BTBD1: variants seen among roughly 807,000 people sequenced by gnomAD.
BTBD1 encodes BTB domain containing 1, also known as BTB/POZ domain-containing protein 1.
In BTBD1, 34 loss-of-function variants were observed where a neutral mutation model predicts 48.0. The observed-to-expected ratio is 0.71, with a 90% CI of 0.54 to 0.94. The LOEUF (loss-of-function observed/expected upper bound fraction) is 0.94. Among genes scored for constraint, BTBD1 ranks in the 40% least tolerant of loss-of-function variants. The pLI is 0.00. For synonymous variants in BTBD1, 261 were observed against 242.1 expected, an observed-to-expected ratio of 1.08 and a Z score of -0.72; for missense variants, 543 against 625.6, an observed-to-expected ratio of 0.87 and a Z score of 1.41.
rs113504890 is a variant in BTBD1, at chr15:83,067,087, G to A, written c.65C>T (p.Pro22Leu). The A allele has an allele frequency of 3.2e-3, 4,877 of 1,528,506 alleles. 74 individuals carry two copies. In the African/African-American group the frequency reaches 0.042, roughly 13 times the overall value. 94.7% of individuals were successfully genotyped at this position (1,528,506 alleles called of 1,614,324 possible). Residue 22 changes from proline to leucine, a missense_variant, in exon 1 of 8, where the codon CCC (proline) becomes CTC (leucine). Transcript: ENST00000261721. ...TGAGGGCGGCGGCGGCGGCCCCGCG[G>A]GGCCCGGCTCCGCCTCAGCCCCCGA... ...QASGAEAEPG[P>L]AGPPPPPSPS...
At chr15:83,037,915 C>T (rs927771468) in intron 4 of BTBD1, among the ~76,000 whole-genome samples, 1 of 152,076 alleles carries the variant, frequency 6.6e-6, no homozygotes, top group South Asian at 2.1e-4. Flanking sequence ...GAAACCCCAT[C>T]TCTACTAAAA....
rs570548209 is a variant in BTBD1, at chr15:83,018,329, C to G, written c.1291-104G>C. On this transcript the variant is annotated intron_variant, in intron 7 of 7. Transcript: ENST00000261721. ...TGTTCCATTATATTTCACTATCATT[C>G]CTATATAAAATTTTATGCTGTCATT... 2,020 of 986,350 alleles carry G rather than the reference C, an allele frequency of 2.0e-3. 8 individuals are homozygous for G. The highest frequency in any genetic ancestry group is 2.6e-3 in the Non-Finnish European group (1,883 of 714,378). 61.1% of individuals were successfully genotyped at this position (986,350 alleles called of 1,614,324 possible). A position where few individuals can be genotyped will look rare whatever the true frequency, so the allele number is the denominator to read the frequency against.
At chr15:83,060,559 C>T (rs1422163886) in intron 1 of BTBD1, among the ~76,000 whole-genome samples, 1 of 151,696 alleles carries the variant, frequency 6.6e-6, no homozygotes, top group Admixed American at 6.6e-5. Context: ...TTTGGGAGGC[C>T]GAGGCAGGCG....
chr15:83,060,302 G>T (rs1403748586), intron 1 of BTBD1, among the ~76,000 whole-genome samples: 1 of 151,504 alleles, frequency 6.6e-6, no homozygotes, highest in Non-Finnish European at 1.5e-5. Context: ...CTAAGCCAAG[G>T]TTTTTAAAAT....
chr15:83,022,280 G>A (rs1219924765), intron 5 of BTBD1: 1 of 150,196 alleles, frequency 6.7e-6, no homozygotes, highest in Non-Finnish European at 1.5e-5. Context: ...TCTAGAACTG[G>A]TCTCAGATGA....
At position 83,018,788 on chromosome 15, in the gene BTBD1, T is replaced by C; in HGVS notation, c.1209A>G (p.Thr403=). The C allele has an allele frequency of 6.2e-7, 1 of 1,614,134 alleles. No homozygotes were observed. The highest frequency in any genetic ancestry group is 2.2e-5 in the East Asian group (1 of 44,892). Reference sequence around the variant, plus strand: ...TGAACATGACCCTGAATGTGTTAGCTGTCCCATCACAACTAAAGCCGGTAT... The same window carrying C: ...TGAACATGACCCTGAATGTGTTAGCCGTCCCATCACAACTAAAGCCGGTAT... ...QNDTGFSCDG[T]ANTFRVMFKE... Residue 403 remains threonine (T), a synonymous_variant, in exon 7 of 8, where the codon ACA becomes ACG. Coordinates refer to ENST00000261721, the MANE Select transcript of BTBD1 (RefSeq NM_025238.4).
At chr15:83,044,743 G>A (rs2032844128) in intron 3 of BTBD1, 29 of 1,459,038 alleles carry the variant, frequency 2.0e-5, no homozygotes, top group Non-Finnish European at 2.6e-5. Flanking sequence ...AATGTCGCCT[G>A]TACTCGGATC....
At chr15:83,023,198 C>G (rs1318016475) in intron 5 of BTBD1, among the ~76,000 whole-genome samples, 3 of 151,586 alleles carry the variant, frequency 2.0e-5, no homozygotes, top group Non-Finnish European at 2.9e-5. Context: ...AAAAAACTAC[C>G]AATTCACTAT....
intron 1 of BTBD1, among the ~76,000 whole-genome samples, chr15:83,057,836 T>C (rs966412243): frequency 6.6e-6 from 1 of 152,234 alleles, no homozygotes; most frequent in African/African-American, 2.4e-5. Context: ...AGCTGGTCTG[T>C]TTTCAAGATA....
chr15:83,059,547 A>AAACAACAAC (rs376428755), intron 1 of BTBD1, among the ~76,000 whole-genome samples: 4 of 152,062 alleles, frequency 2.6e-5, no homozygotes, highest in Non-Finnish European at 5.9e-5. Context: ...TCCGTCTCAA[A>AAACAACAAC]AACAACAACA....
At chr15:83,022,947 G>A (rs912448500) in intron 5 of BTBD1, among the ~76,000 whole-genome samples, 5 of 151,952 alleles carry the variant, frequency 3.3e-5, no homozygotes, top group African/African-American at 1.2e-4. Flanking sequence ...GCAACAGAGC[G>A]AGACTCCACC....
intron 4 of BTBD1, among the ~76,000 whole-genome samples, chr15:83,031,031 G>A (rs1271819722): frequency 6.6e-6 from 1 of 152,142 alleles, no homozygotes; most frequent in Non-Finnish European, 1.5e-5. Flanking sequence ...ATAATCCTTT[G>A]GGTATATACT....
intron 3 of BTBD1, among the ~76,000 whole-genome samples, chr15:83,042,840 C>T (rs1293083571): frequency 2.0e-5 from 3 of 152,120 alleles, no homozygotes; most frequent in African/African-American, 7.2e-5. Context: ...ATCAGAAATG[C>T]AGTTTAAAAT....
chr15:83,042,348 T>TTTTATATATTTATATATATATA (rs773923340), intron 3 of BTBD1, among the ~76,000 whole-genome samples: 7 of 109,894 alleles, frequency 6.4e-5, no homozygotes, highest in Non-Finnish European at 1.3e-4. Flanking sequence ...TTAGGCAATT[T>TTTTATATATTTATATATATATA]TATATATATA....
rs554290813 is a variant in BTBD1 at position 83,018,637 on chromosome 15, T to C, written c.1290+70A>G. The C allele has an allele frequency of 5.2e-6, 8 of 1,541,888 alleles. No homozygotes were observed. In the East Asian group the frequency reaches 1.4e-4, roughly 26 times the overall value. ...TAAATGGCTCAGCTGTCAGTGACTCTCAGCTTCTAAAACACACATTCTGCA... is the reference window on the plus strand; with the variant it reads ...TAAATGGCTCAGCTGTCAGTGACTCCCAGCTTCTAAAACACACATTCTGCA... On this transcript the variant is annotated intron_variant, in intron 7 of 7. Coordinates refer to ENST00000261721, the MANE Select transcript of BTBD1 (RefSeq NM_025238.4).
At chr15:83,041,250 A>G (rs1167033043) in intron 4 of BTBD1, among the ~76,000 whole-genome samples, 1 of 151,950 alleles carries the variant, frequency 6.6e-6, no homozygotes, top group Non-Finnish European at 1.5e-5. Context: ...TCTAACCTAT[A>G]CAATGTGGAT....
chr15:83,036,137 TC>T (rs796910786), intron 4 of BTBD1, among the ~76,000 whole-genome samples: 3 of 135,306 alleles, frequency 2.2e-5, no homozygotes, highest in East Asian at 4.2e-4. Flanking sequence ...ATAGCTTGAT[TC>T]CTCTAAAAGA....
intron 5 of BTBD1, among the ~76,000 whole-genome samples, chr15:83,027,787 T>C (rs979511576): frequency 1.3e-5 from 2 of 152,232 alleles, no homozygotes; most frequent in East Asian, 3.8e-4. Flanking sequence ...AAAACGTAAG[T>C]GGCAGCAATG....
At chr15:83,031,696 G>A (rs1321710310) in intron 4 of BTBD1, among the ~76,000 whole-genome samples, 1 of 152,078 alleles carries the variant, frequency 6.6e-6, no homozygotes, top group African/African-American at 2.4e-5. Context: ...GTTAATGGGT[G>A]TAGCATACTA....
Sources: gnomAD v4.1 joint callset for allele counts (sites outside exome capture counted in the v4.1 genomes callset) on GRCh38, gnomAD v4.1.1 for gene constraint, MANE v1.5 for transcripts, NCBI Gene and HGNC (gene_info 2026-07-23, HGNC 2026-07-21) for gene names.